Variants in TRIML1 observed in about 807,000 individuals in gnomAD.
TRIML1 encodes tripartite motif family like 1, also known as probable E3 ubiquitin-protein ligase TRIML1.
A neutral mutation model predicts 32.3 loss-of-function variants in TRIML1; 34 were observed. The observed-to-expected ratio is 1.05, with a 90% confidence interval of 0.80 to 1.40. The LOEUF is 1.40. Ranked by LOEUF, TRIML1 falls within the 40% of genes most tolerant of loss-of-function variation. The probability of loss-of-function intolerance (pLI) is 0.00; values close to 1 mark genes in which losing one functional copy is unlikely to be tolerated. For missense variants in TRIML1, 595 were observed against 574.9 expected (o/e 1.03, Z -0.36); for synonymous variants, 244 against 226.6 (o/e 1.08, Z -0.69).
chr4:188,144,689 G>C (rs1008756250), intron 5 of TRIML1, among the ~76,000 whole-genome samples: 16 of 151,926 alleles, frequency 1.1e-4, no homozygotes, highest in African/African-American at 3.6e-4. Context: ...TGTTGGTTTT[G>C]TCATTGTCTT....
chr4:188,146,954 T>C lies in TRIML1; in HGVS notation c.989T>C (p.Val330Ala), dbSNP rs370332090. 1.1e-5 allele frequency: 17 copies of C among 1,542,832 alleles called. No homozygotes were observed. Among genetic ancestry groups the C allele is most frequent in the Non-Finnish European group, 1.5e-5 (17 of 1,146,018 alleles). The change falls in exon 6 of 6, where the codon GTG (valine) becomes GCG (alanine). Residue 330 changes from valine to alanine, a missense_variant. Physicochemically the swap from Val to Ala is moderately conservative, Grantham distance 64. Coordinates refer to ENST00000332517, the MANE Select transcript of TRIML1 (RefSeq NM_178556.5). ...GAAAGATTTGACCAGTCTGCGACTG[T>C]GCTGGGTACTCAGATCTTCACCAGT... is the stretch of plus-strand genomic sequence containing the variant. ...NPERFDQSAT[V>A]LGTQIFTSGR...
At position 188,146,214 on chromosome 4, in the gene TRIML1, T is replaced by G. The variant is rs187733190; in HGVS notation, c.857-608T>G. ...ATGCGAACAACCAAGGGTGTCCCTA[T>G]GTGGACGCACAGCTCGGAGCTCTAA... On this transcript the variant is annotated intron_variant, in intron 5 of 5. Coordinates refer to ENST00000332517, the MANE Select transcript of TRIML1 (RefSeq NM_178556.5). 4.6e-5 allele frequency among the ~76,000 whole-genome samples: 7 copies of G among 152,288 alleles called. No individual in the cohort carries two copies. In the East Asian group the frequency reaches 1.4e-3, roughly 30 times the overall value.
In TRIML1 at chr4:188,147,648, T is replaced by C. The variant is rs774257753; in HGVS notation, c.*276T>C. On this transcript the variant is annotated 3_prime_UTR_variant, in exon 6 of 6. Coordinates refer to ENST00000332517, the MANE Select transcript of TRIML1 (RefSeq NM_178556.5). ...CATGTGTGTGCTGGTCACTCAAATA[T>C]TGAGCCCCTATTACCATGAATCCTA... The C allele has an allele frequency of 2.9e-4, 95 of 325,908 alleles. 1 individual carries two copies. The highest frequency in any genetic ancestry group is 5.0e-4 in the Non-Finnish European group (90 of 180,494). 20.2% of individuals were successfully genotyped at this position (325,908 alleles called of 1,614,324 possible). A position where few individuals can be genotyped will look rare whatever the true frequency, so the allele number is the denominator to read the frequency against.
chr4:188,144,487 C>T (rs934350617), intron 5 of TRIML1, among the ~76,000 whole-genome samples: 65 of 145,998 alleles, frequency 4.5e-4, no homozygotes, highest in Middle Eastern at 3.6e-3. Flanking sequence ...CTCAGCCTCC[C>T]GAGTAGCTGG....
At chr4:188,146,619 A>C (rs1735089327) in intron 5 of TRIML1, among the ~76,000 whole-genome samples, 1 of 152,130 alleles carries the variant, frequency 6.6e-6, no homozygotes, top group Non-Finnish European at 1.5e-5. Context: ...CATGTTGCCC[A>C]GGCTGGTCTT....
At chr4:188,140,655 T>C (rs1560970205) in intron 2 of TRIML1, 32 bp downstream of exon 2, 1 of 1,499,494 alleles carries the variant, frequency 6.7e-7, no homozygotes, top group East Asian at 2.3e-5. Context: ...GCTGCTTGTA[T>C]ATGACCCCAT....
rs768338037 is a variant in TRIML1 at position 188,147,654 on chromosome 4, C to T, written c.*282C>T. On this transcript the variant is annotated 3_prime_UTR_variant, in exon 6 of 6. Transcript: ENST00000332517. ...TGTGCTGGTCACTCAAATATTGAGC[C>T]CCTATTACCATGAATCCTACTGCCA... 1.3e-5 allele frequency: 4 copies of T among 317,450 alleles called. No homozygotes were observed. The Middle Eastern group carries it at 2.5e-3, about 202-fold the overall frequency. 19.7% of individuals were successfully genotyped at this position (317,450 alleles called of 1,614,324 possible).
chr4:188,146,065 G>A (rs971863170), intron 5 of TRIML1, among the ~76,000 whole-genome samples: 1 of 152,152 alleles, frequency 6.6e-6, no homozygotes, highest in South Asian at 2.1e-4. Flanking sequence ...AGAAAAGAAT[G>A]CTTGCAGTGA....
In TRIML1 at chr4:188,139,548, G is replaced by A. The variant is rs1366838141; in HGVS notation, c.-11G>A. On this transcript the variant is annotated 5_prime_UTR_variant, in exon 1 of 6. Transcript: ENST00000332517. ...GAGGTGTAACCTGGCTGCATATCCA[G>A]CCTCGAGAAAATGTCTACAGCAGAT... 1 of 1,556,962 alleles carries A rather than the reference G, an allele frequency of 6.4e-7. No homozygotes were observed. Among genetic ancestry groups the A allele is most frequent in the Non-Finnish European group, 8.7e-7 (1 of 1,148,814 alleles).
chr4:188,144,259 A>T, intron 5 of TRIML1, 126 bp downstream of exon 5: 2 of 800,132 alleles, frequency 2.5e-6, no homozygotes, highest in Non-Finnish European at 4.0e-6. Context: ...CCAGCACGGA[A>T]CACCAGGGAG....
At chr4:188,148,452 C>T (rs1361926502), downstream of TRIML1, among the ~76,000 whole-genome samples, 1 of 150,162 alleles carries the variant, frequency 6.7e-6, no homozygotes, top group Non-Finnish European at 1.5e-5. Flanking sequence ...GGAGATCATT[C>T]CATTGCACTC....
At chr4:188,137,508 G>A (rs139151973), upstream of TRIML1, among the ~76,000 whole-genome samples, 99 of 130,322 alleles carry the variant, frequency 7.6e-4, 1 homozygote, top group East Asian at 0.019. Flanking sequence ...ACAGAGTTTC[G>A]CTTTTGTTGC....
chr4:188,139,966 A>G lies in TRIML1; in HGVS notation c.408A>G (p.Arg136=), dbSNP rs770641976. 5 of 1,598,614 alleles carry G rather than the reference A, an allele frequency of 3.1e-6. No homozygotes were observed. Among genetic ancestry groups the G allele is most frequent in the Middle Eastern group, 1.7e-4 (1 of 5,966 alleles). The change falls in exon 1 of 6, where the codon AGA becomes AGG. Residue 136 remains arginine, a splice_region_variant and synonymous_variant. Coordinates refer to ENST00000332517, the MANE Select transcript of TRIML1 (RefSeq NM_178556.5). ...HLSSEAEEHH[R]EKLQEILNLL... is the part of the protein sequence containing the mutation. Reference sequence around the variant, plus strand: ...CCAGCGAGGCTGAGGAGCATCACAGAGTAAGACAGCTGCTCAGCATGAACC... The same window carrying G: ...CCAGCGAGGCTGAGGAGCATCACAGGGTAAGACAGCTGCTCAGCATGAACC...
rs1439900157 is a variant in TRIML1, at chr4:188,142,466, C to A, written c.719C>A (p.Ala240Asp). The A allele has an allele frequency of 6.2e-6, 10 of 1,613,510 alleles. No individual in the cohort carries two copies. The East Asian group carries it at 2.2e-4, about 36-fold the overall frequency. The change falls in exon 3 of 6, where the codon GCT (alanine) becomes GAT (aspartate). Residue 240 changes from alanine to aspartate, a missense_variant. Transcript: ENST00000332517. ...AQIESSSQSS[A>D]FESLEEVRGA... ...ATTGAGTCCTCAAGTCAAAGCTCGG[C>A]TTTCGAATCTCTTGAGGTGAGAATA...
At chr4:188,137,855 C>A (rs1734707896), upstream of TRIML1, among the ~76,000 whole-genome samples, 1 of 151,846 alleles carries the variant, frequency 6.6e-6, no homozygotes, top group South Asian at 2.1e-4. Context: ...TCAAGTGATC[C>A]ACCCACCTCG....
In TRIML1 at chr4:188,144,506, G is replaced by T. The variant is rs183668451; in HGVS notation, c.856+373G>T. 4.2e-5 allele frequency among the ~76,000 whole-genome samples: 6 copies of T among 144,214 alleles called. No homozygotes were observed. The East Asian group carries it at 1.2e-3, about 30-fold the overall frequency. The allele number at this position is 144,214 out of a possible 152,430, so 94.6% of individuals were successfully genotyped here. A position where few individuals can be genotyped will look rare whatever the true frequency, so the allele number is the denominator to read the frequency against. On this transcript the variant is annotated intron_variant, in intron 5 of 5. Transcript: ENST00000332517. ...GCCTCCCGAGTAGCTGGGACTACAG[G>T]CGCCCGCCACCACGCCTGGGTAATT... is the stretch of plus-strand genomic sequence containing the variant.
downstream of TRIML1, among the ~76,000 whole-genome samples, chr4:188,148,910 T>G (rs1162629593): frequency 9.3e-6 from 1 of 107,118 alleles, no homozygotes; most frequent in African/African-American, 4.6e-5. Context: ...GCTTTTTTTT[T>G]TTTTTTTTTT....
Position 188,147,541 on chromosome 4 carries a change from A to C in TRIML1, c.*169A>C, listed in dbSNP as rs978384887. Reference sequence around the variant, plus strand: ...ACTTGATCCCATTATGAACAGCCACATTACACAATCAACTTCAACCCCAAT... The same window carrying C: ...ACTTGATCCCATTATGAACAGCCACCTTACACAATCAACTTCAACCCCAAT... On this transcript the variant is annotated 3_prime_UTR_variant, in exon 6 of 6. Coordinates refer to ENST00000332517, the MANE Select transcript of TRIML1 (RefSeq NM_178556.5). 3 of 454,460 alleles carry C rather than the reference A, an allele frequency of 6.6e-6. No individual in the cohort carries two copies. Among genetic ancestry groups the C allele is most frequent in the Admixed American group, 4.2e-5 (1 of 23,942 alleles). The allele number at this position is 454,460 out of a possible 1,614,324, so 28.2% of individuals were successfully genotyped here. A position where few individuals can be genotyped will look rare whatever the true frequency, so the allele number is the denominator to read the frequency against.
At chr4:188,145,025 T>C (rs1383999438) in intron 5 of TRIML1, among the ~76,000 whole-genome samples, 5 of 152,168 alleles carry the variant, frequency 3.3e-5, no homozygotes, top group Admixed American at 6.5e-5. Flanking sequence ...CTTACAATGA[T>C]AAGTAAGGCA....
Sources: allele counts gnomAD v4.1 joint callset (sites outside exome capture counted in the v4.1 genomes callset), GRCh38; gene constraint gnomAD v4.1.1; transcripts MANE v1.5; gene names NCBI Gene and HGNC (gene_info 2026-07-23, HGNC 2026-07-21).